The following SMYD3 variants were observed in gnomAD, a reference collection of about 807,000 sequenced individuals.
SMYD3 encodes histone-lysine N-methyltransferase SMYD3.
SMYD3 carries 36 observed loss-of-function variants against 57.7 expected under a neutral mutation model. The observed-to-expected ratio is 0.62, with a 90% confidence interval of 0.48 to 0.82. The LOEUF (loss-of-function observed/expected upper bound fraction) is 0.82, where lower values mean the gene tolerates loss of function less well. Ranked by LOEUF, SMYD3 falls within the 40% of genes least tolerant of loss-of-function variation. SMYD3 has a pLI of 0.00. For synonymous variants in SMYD3, 211 were observed against 195.0 expected, an observed-to-expected ratio of 1.08 and a Z score of -0.68; for missense variants, 515 against 538.8, an observed-to-expected ratio of 0.96 and a Z score of 0.44.
chr1:246,443,611 A>G (rs2067503059), intron 1 of SMYD3, among the ~76,000 whole-genome samples: 2 of 152,230 alleles, frequency 1.3e-5, no homozygotes, highest in Non-Finnish European at 2.9e-5. Flanking sequence ...GGGCTGGTGT[A>G]GTGGCAGGGA....
At chr1:246,298,682 A>C (rs2064838512) in intron 5 of SMYD3, among the ~76,000 whole-genome samples, 1 of 152,128 alleles carries the variant, frequency 6.6e-6, no homozygotes, top group African/African-American at 2.4e-5. Context: ...ACCATCAAGA[A>C]TATGCAACAC....
rs76783715 is a variant in SMYD3, at chr1:246,253,158, G to C, written c.531+74043C>G. ...ATTTTAGAACCAAGGGGGTACATGC[G>C]CAGGTTTGTTACCAGGGTATATTAC... On this transcript the variant is annotated intron_variant, in intron 5 of 11. Transcript: ENST00000490107. Among the ~76,000 whole-genome samples the C allele has an allele frequency of 1.2e-4, 19 of 152,048 alleles. No homozygotes were observed. The South Asian group carries it at 1.5e-3, about 12-fold the overall frequency.
At chr1:246,279,156 C>G (rs1461238675) in intron 5 of SMYD3, among the ~76,000 whole-genome samples, 2 of 152,174 alleles carry the variant, frequency 1.3e-5, no homozygotes, top group Non-Finnish European at 2.9e-5. Context: ...AGACACACAC[C>G]CCTTGGCTCT....
chr1:245,841,208 A>C (rs1450018695), intron 10 of SMYD3, among the ~76,000 whole-genome samples: 1 of 152,216 alleles, frequency 6.6e-6, no homozygotes, highest in African/African-American at 2.4e-5. Context: ...TTTTAAAATA[A>C]AGATTTAATA....
At chr1:246,399,752 T>A (rs2148783701) in intron 1 of SMYD3, among the ~76,000 whole-genome samples, 1 of 152,224 alleles carries the variant, frequency 6.6e-6, no homozygotes, top group East Asian at 1.9e-4. Context: ...AACTATAAAG[T>A]AAGCCATACC....
intron 3 of SMYD3, among the ~76,000 whole-genome samples, chr1:246,334,649 C>G (rs7530204): frequency 0.55 from 83,325 of 151,990 alleles, 23,686 homozygotes; most frequent in Middle Eastern, 0.72. Context: ...TCCATCATAC[C>G]CCAAACCTCA....
At chr1:245,839,471 G>GCCCA (rs1572483238) in intron 10 of SMYD3, among the ~76,000 whole-genome samples, 2 of 152,258 alleles carry the variant, frequency 1.3e-5, no homozygotes, top group East Asian at 3.9e-4. Flanking sequence ...GCCCAGCCCA[G>GCCCA]GCCAGCCTTT....
At chr1:245,973,807 T>TG (rs147035843) in intron 5 of SMYD3, among the ~76,000 whole-genome samples, 1 of 152,178 alleles carries the variant, frequency 6.6e-6, no homozygotes, top group Non-Finnish European at 1.5e-5. Flanking sequence ...AGTACTTTTT[T>TG]GGGGGGTTCA....
At chr1:246,142,619 T>C (rs979282586) in intron 5 of SMYD3, among the ~76,000 whole-genome samples, 1 of 152,180 alleles carries the variant, frequency 6.6e-6, no homozygotes, top group Admixed American at 6.5e-5. Flanking sequence ...TCCCGGGGGA[T>C]ACGGGATTCC....
chr1:246,194,413 C>T (rs796592356), intron 5 of SMYD3, among the ~76,000 whole-genome samples: 1 of 152,090 alleles, frequency 6.6e-6, no homozygotes, highest in South Asian at 2.1e-4. Flanking sequence ...GGACTACGGG[C>T]ATGTGCCATC....
chr1:246,485,642 A>C (rs1047070395), intron 1 of SMYD3, among the ~76,000 whole-genome samples: 2 of 151,926 alleles, frequency 1.3e-5, no homozygotes, highest in South Asian at 2.1e-4. Context: ...AATTTTTTTT[A>C]AATAGCTGGG....
At position 246,074,030 on chromosome 1, in the gene SMYD3, G is replaced by T. The variant is rs534740784; in HGVS notation, c.532-144093C>A. 2.6e-3 allele frequency among the ~76,000 whole-genome samples: 397 copies of T among 152,278 alleles called. 4 individuals carry two copies. The highest frequency in any genetic ancestry group is 4.1e-3 in the Non-Finnish European group (280 of 68,018). On this transcript the variant is annotated intron_variant, in intron 5 of 11. Coordinates refer to ENST00000490107, the MANE Select transcript of SMYD3 (RefSeq NM_001167740.2). ...TTTGAATGTGGCCAAACGCAAACTT[G>T]CAAACTTTCTTAAAACATAAGTTTT...
At chr1:246,432,405 T>G (rs2067310178) in intron 1 of SMYD3, among the ~76,000 whole-genome samples, 1 of 152,014 alleles carries the variant, frequency 6.6e-6, no homozygotes, top group African/African-American at 2.4e-5. Context: ...TTAAAGGAGG[T>G]GGAGAGGTGG....
At chr1:246,201,113 G>A (rs1247180300) in intron 5 of SMYD3, among the ~76,000 whole-genome samples, 7 of 152,166 alleles carry the variant, frequency 4.6e-5, no homozygotes, top group Non-Finnish European at 8.8e-5. Context: ...GCTATTGACA[G>A]AAAATGGTGA....
chr1:246,275,052 T>C (rs6684447), intron 5 of SMYD3, among the ~76,000 whole-genome samples: 51,121 of 152,086 alleles, frequency 0.34, 9,465 homozygotes, highest in East Asian at 0.72. Context: ...AAAAATTATA[T>C]ATAAAGACAT....
chr1:245,755,747 C>T (rs2045578923), intron 11 of SMYD3, among the ~76,000 whole-genome samples: 1 of 151,704 alleles, frequency 6.6e-6, no homozygotes, highest in Non-Finnish European at 1.5e-5. Flanking sequence ...TATCTTTTTC[C>T]ATCATTTTGC....
In SMYD3 at chr1:246,458,070, T is replaced by C. The variant is rs894228107; in HGVS notation, c.164+48984A>G. 2.8e-4 allele frequency among the ~76,000 whole-genome samples: 43 copies of C among 152,328 alleles called. 1 individual carries two copies. The highest frequency in any genetic ancestry group is 1.4e-3 in the Admixed American group (22 of 15,300). ...GCATTATTTTCTGGTCCAACTTTCCTGTTTTTCTGACTTGGGTCCAAGAGG... is the reference window on the plus strand; with the variant it reads ...GCATTATTTTCTGGTCCAACTTTCCCGTTTTTCTGACTTGGGTCCAAGAGG... On this transcript the variant is annotated intron_variant, in intron 1 of 11. Transcript: ENST00000490107.
rs149936097 is a variant in SMYD3, at chr1:245,762,166, C to T, written c.1185+1875G>A. Among the ~76,000 whole-genome samples, 314 of 152,268 alleles carry T rather than the reference C, an allele frequency of 2.1e-3. 2 individuals are homozygous for T. In the Middle Eastern group the frequency reaches 0.031, roughly 15 times the overall value. ...AAATACACCTGGCTCTGCCTCTGTG[C>T]GACTTTAGGTGAGCTCTTGCATGTC... On this transcript the variant is annotated intron_variant, in intron 11 of 11. Coordinates refer to ENST00000490107, the MANE Select transcript of SMYD3 (RefSeq NM_001167740.2).
rs150276748 is a variant in SMYD3, at chr1:246,355,108, A to C, written c.165-14T>G. Reference sequence around the variant, plus strand: ...AGCTTTTCCTTCCTGTGGGGAAAAAAATTAATTCTGCATTAAGAAATGAGT... The same window carrying C: ...AGCTTTTCCTTCCTGTGGGGAAAAACATTAATTCTGCATTAAGAAATGAGT... On this transcript the variant is annotated splice_polypyrimidine_tract_variant and intron_variant, in intron 1 of 11. Coordinates refer to ENST00000490107, the MANE Select transcript of SMYD3 (RefSeq NM_001167740.2). The surrounding 1 kb of genome is among the most constrained non-coding windows in gnomAD (Gnocchi z 5.0). 5.9e-3 allele frequency: 9,487 copies of C among 1,613,756 alleles called. 32 individuals are homozygous for C. The highest frequency in any genetic ancestry group is 0.018 in the Middle Eastern group (109 of 6,062).
Sources: allele counts gnomAD v4.1 joint callset (sites outside exome capture counted in the v4.1 genomes callset), GRCh38; gene constraint gnomAD v4.1.1; non-coding constraint Gnocchi (gnomAD v3.1); transcripts MANE v1.5; gene names NCBI Gene and HGNC (gene_info 2026-07-23, HGNC 2026-07-21).